The following NWD2 variants were observed in gnomAD, a reference collection of about 807,000 sequenced individuals.
NWD2 encodes the protein NACHT and WD repeat domain-containing protein 2.
In NWD2, 37 loss-of-function variants were observed where a neutral mutation model predicts 132.7. That is an observed-to-expected ratio of 0.28 (90% CI 0.21 to 0.37). The LOEUF (loss-of-function observed/expected upper bound fraction) is 0.37, where lower values mean the gene tolerates loss of function less well. Ranked by LOEUF, NWD2 falls within the 10% of genes least tolerant of loss-of-function variation. The probability of loss-of-function intolerance (pLI) is 1.00; values close to 1 mark genes in which losing one functional copy is unlikely to be tolerated. For synonymous variants in NWD2, 705 were observed against 803.0 expected, an observed-to-expected ratio of 0.88 and a Z score of 2.06; for missense variants, 1,592 against 2,122.4, an observed-to-expected ratio of 0.75 and a Z score of 4.91.
chr4:37,295,699 G>C lies in NWD2; in HGVS notation c.152-30237G>C, dbSNP rs532120365. On this transcript the variant is annotated intron_variant, in intron 1 of 6. Transcript: ENST00000309447. ...CCTGACTTGGCCTTCATCAATTCCTGGGTTTCCAAATGTGTCTAAGGCATT... is the reference window on the plus strand; with the variant it reads ...CCTGACTTGGCCTTCATCAATTCCTCGGTTTCCAAATGTGTCTAAGGCATT... 1.4e-3 allele frequency among the ~76,000 whole-genome samples: 216 copies of C among 152,216 alleles called. 1 individual carries two copies. The highest frequency in any genetic ancestry group is 3.4e-3 in the Middle Eastern group (1 of 294).
chr4:37,439,408 C>T lies in NWD2; in HGVS notation c.1296+18C>T. The T allele has an allele frequency of 7.2e-7, 1 of 1,380,890 alleles. No homozygotes were observed. Among genetic ancestry groups the T allele is most frequent in the Non-Finnish European group, 9.6e-7 (1 of 1,045,098 alleles). 85.5% of individuals were successfully genotyped at this position (1,380,890 alleles called of 1,614,324 possible). The stretch of plus-strand genomic sequence containing the variant: ...CAAAGAAGGTAAAAGCCTATTCTTT[C>T]CCGTGTATATTTGTAAAAACTTGTA... On this transcript the variant is annotated intron_variant, in intron 6 of 6. Transcript: ENST00000309447. This position sits in a 1 kb window ranked among gnomAD's most constrained non-coding sequence, Gnocchi z 4.5.
intron 1 of NWD2, among the ~76,000 whole-genome samples, chr4:37,263,789 T>C (rs1717697005): frequency 6.6e-6 from 1 of 152,154 alleles, no homozygotes; most frequent in Non-Finnish European, 1.5e-5. Context: ...GAGTTACTGA[T>C]AGACTAGAAC....
intron 1 of NWD2, among the ~76,000 whole-genome samples, chr4:37,254,212 A>C (rs951632800): frequency 8.5e-5 from 13 of 152,372 alleles, no homozygotes; most frequent in Middle Eastern, 3.4e-3. Context: ...GTTTAAAAAA[A>C]TCAGGCTGGG....
At chr4:37,398,401 G>A (rs1720842215) in intron 3 of NWD2, among the ~76,000 whole-genome samples, 1 of 152,206 alleles carries the variant, frequency 6.6e-6, no homozygotes, top group African/African-American at 2.4e-5. Context: ...GCTAAACAAT[G>A]AGAGCACATG....
chr4:37,300,169 CTG>C (rs1718585385), intron 1 of NWD2, among the ~76,000 whole-genome samples: 1 of 152,182 alleles, frequency 6.6e-6, no homozygotes, highest in Admixed American at 6.5e-5. Flanking sequence ...GTTCCTCTCT[CTG>C]TGCTTCAGTA....
intron 3 of NWD2, among the ~76,000 whole-genome samples, chr4:37,394,807 T>TTGTTTTGTTTTG (rs1329454941): frequency 0.01 from 707 of 69,708 alleles, 53 homozygotes; most frequent in South Asian, 0.029. Flanking sequence ...TGGTTTTTTT[T>TTGTTTTGTTTTG]TTTTTTTTTT....
At chr4:37,287,395 A>G (rs1307061503) in intron 1 of NWD2, among the ~76,000 whole-genome samples, 1 of 152,152 alleles carries the variant, frequency 6.6e-6, no homozygotes, top group African/African-American at 2.4e-5. Flanking sequence ...ATACTAAGCA[A>G]CCTGGGTTGG....
intron 1 of NWD2, among the ~76,000 whole-genome samples, chr4:37,275,024 C>G (rs911750365): frequency 6.6e-6 from 1 of 152,150 alleles, no homozygotes; most frequent in Non-Finnish European, 1.5e-5. Context: ...TGGCACAAGA[C>G]AGGGATGCCC....
intron 5 of NWD2, among the ~76,000 whole-genome samples, chr4:37,434,569 A>G (rs1397864736): frequency 6.6e-6 from 1 of 152,210 alleles, no homozygotes; most frequent in Admixed American, 6.5e-5. Flanking sequence ...ATAGTGACTG[A>G]TAAAGGATGT....
At chr4:37,306,099 T>A (rs1338361075) in intron 1 of NWD2, among the ~76,000 whole-genome samples, 1 of 152,146 alleles carries the variant, frequency 6.6e-6, no homozygotes, top group Non-Finnish European at 1.5e-5. Flanking sequence ...AATTTATTCA[T>A]TTTTTGTAGA....
chr4:37,406,069 A>G (rs1486938436), intron 3 of NWD2, among the ~76,000 whole-genome samples: 4 of 152,244 alleles, frequency 2.6e-5, no homozygotes, highest in Non-Finnish European at 5.9e-5. Flanking sequence ...AAAATTTATA[A>G]ACAAGAAGTC....
chr4:37,388,459 C>T (rs555302452), intron 3 of NWD2, among the ~76,000 whole-genome samples: 1 of 152,208 alleles, frequency 6.6e-6, no homozygotes, highest in South Asian at 2.1e-4. Context: ...GCTGGGATTA[C>T]AGGCGTGAGC....
chr4:37,393,609 A>G (rs111920525), intron 3 of NWD2, among the ~76,000 whole-genome samples: 1,805 of 152,292 alleles, frequency 0.012, 33 homozygotes, highest in African/African-American at 0.041. Context: ...AGGGACCACT[A>G]TTTTAATCTT....
intron 1 of NWD2, among the ~76,000 whole-genome samples, chr4:37,276,931 C>A (rs557708893): frequency 7.2e-4 from 109 of 151,462 alleles, no homozygotes; most frequent in African/African-American, 2.5e-3. Context: ...GGGAATTGAA[C>A]AATGAGAACA....
At chr4:37,284,166 C>T (rs1718180896) in intron 1 of NWD2, among the ~76,000 whole-genome samples, 1 of 152,040 alleles carries the variant, frequency 6.6e-6, no homozygotes, top group Non-Finnish European at 1.5e-5. Flanking sequence ...TATCAAGGTG[C>T]CAGCAGATTT....
At chr4:37,395,584 CAAAAAAAAAA>C (rs1156884728) in intron 3 of NWD2, among the ~76,000 whole-genome samples, 33 of 18,286 alleles carry the variant, frequency 1.8e-3, no homozygotes, top group African/African-American at 6.0e-3. Context: ...AACTCTGTCT[CAAAAAAAAAA>C]AAAAAAAAAA....
At chr4:37,269,312 G>A (rs1717821040) in intron 1 of NWD2, among the ~76,000 whole-genome samples, 3 of 151,776 alleles carry the variant, frequency 2.0e-5, no homozygotes, top group African/African-American at 7.3e-5. Context: ...TTTTAATTAG[G>A]GAGCAATGCA....
At chr4:37,424,005 G>A (rs1243266563) in intron 3 of NWD2, among the ~76,000 whole-genome samples, 1 of 152,070 alleles carries the variant, frequency 6.6e-6, no homozygotes, top group Non-Finnish European at 1.5e-5. Context: ...TGGCTCTTTG[G>A]CGGGGTTCAG....
At chr4:37,432,577 T>C (rs1712209694) in intron 4 of NWD2, among the ~76,000 whole-genome samples, 2 of 152,202 alleles carry the variant, frequency 1.3e-5, no homozygotes, top group South Asian at 2.1e-4. Flanking sequence ...TTGACAGTTA[T>C]AGTTTTTATT....
Sources: allele counts gnomAD v4.1 joint callset (sites outside exome capture counted in the v4.1 genomes callset), GRCh38; gene constraint gnomAD v4.1.1; non-coding constraint Gnocchi (gnomAD v3.1); transcripts MANE v1.5; gene names NCBI Gene and HGNC (gene_info 2026-07-23, HGNC 2026-07-21).